STPG2: variants seen among roughly 807,000 people sequenced by gnomAD.
STPG2 encodes sperm-tail PG-rich repeat-containing protein 2.
A neutral mutation model predicts 54.2 loss-of-function variants in STPG2; 56 were observed. The ratio of observed to expected loss-of-function variants is 1.03; its 90% CI spans 0.83 to 1.29. The LOEUF is 1.29. Among genes scored for constraint, STPG2 ranks in the 50% most tolerant of loss-of-function variants. STPG2 has a pLI of 0.00. For synonymous variants in STPG2, 200 were observed against 181.8 expected, an observed-to-expected ratio of 1.10 and a Z score of -0.81; for missense variants, 596 against 544.9, an observed-to-expected ratio of 1.09 and a Z score of -0.93.
At chr4:98,065,434 C>T (rs143996164) in intron 5 of STPG2, among the ~76,000 whole-genome samples, 7 of 151,986 alleles carry the variant, frequency 4.6e-5, no homozygotes, top group African/African-American at 7.2e-5. Context: ...GAAGTTATAA[C>T]GACAATAAAA....
intron 10 of STPG2, among the ~76,000 whole-genome samples, chr4:97,711,843 T>C (rs1469377362): frequency 6.6e-6 from 1 of 151,832 alleles, no homozygotes; most frequent in East Asian, 1.9e-4. Flanking sequence ...ATTATTTTTA[T>C]ATTTTTAGTA....
intron 8 of STPG2, among the ~76,000 whole-genome samples, chr4:97,842,579 T>C (rs539827337): frequency 6.6e-6 from 1 of 152,036 alleles, no homozygotes; most frequent in South Asian, 2.1e-4. Context: ...TGTCACCATC[T>C]ATTTCTTCTT....
At chr4:97,756,124 A>T (rs1725726039) in intron 9 of STPG2, among the ~76,000 whole-genome samples, 1 of 151,360 alleles carries the variant, frequency 6.6e-6, no homozygotes, top group Admixed American at 6.6e-5. Context: ...TCCTCCCCCC[A>T]ACTAGAATTA....
chr4:98,055,736 G>T (rs1281897177), intron 5 of STPG2, among the ~76,000 whole-genome samples: 3 of 152,178 alleles, frequency 2.0e-5, no homozygotes, highest in African/African-American at 4.8e-5. Context: ...AGAGACTTTA[G>T]CCCTAGGAGA....
intron 5 of STPG2, among the ~76,000 whole-genome samples, chr4:98,032,284 A>G (rs1389359780): frequency 6.6e-6 from 1 of 152,338 alleles, no homozygotes; most frequent in East Asian, 1.9e-4. Flanking sequence ...TAGCAGTACA[A>G]TTCACAACTG....
chr4:98,021,484 G>A (rs1284533978), intron 5 of STPG2, among the ~76,000 whole-genome samples: 7 of 151,918 alleles, frequency 4.6e-5, no homozygotes, highest in Non-Finnish European at 1.0e-4. Flanking sequence ...GCTGAAAAAT[G>A]TATATTCTGT....
At chr4:97,491,471 T>C (rs1194564682) in intron 4 of STPG2, among the ~76,000 whole-genome samples, 1 of 151,448 alleles carries the variant, frequency 6.6e-6, no homozygotes, top group African/African-American at 2.4e-5. Context: ...GAAGACATAG[T>C]AGAGAGTATC....
chr4:97,937,120 G>A (rs1401637964), intron 8 of STPG2, among the ~76,000 whole-genome samples: 2 of 151,734 alleles, frequency 1.3e-5, no homozygotes, highest in African/African-American at 4.8e-5. Flanking sequence ...CCTTATTTCA[G>A]CAAGACAGTC....
chr4:97,966,728 G>A (rs1034228840), intron 7 of STPG2, among the ~76,000 whole-genome samples: 1 of 151,984 alleles, frequency 6.6e-6, no homozygotes, highest in Admixed American at 6.6e-5. Flanking sequence ...TCAATATTCT[G>A]AAAAAGGATT....
At chr4:97,626,604 G>A (rs539716029) in intron 10 of STPG2, among the ~76,000 whole-genome samples, 1 of 152,016 alleles carries the variant, frequency 6.6e-6, no homozygotes, top group South Asian at 2.1e-4. Flanking sequence ...AGTATTTATG[G>A]GGAGTCTCAA....
chr4:97,615,803 G>A (rs28403167), intron 10 of STPG2, among the ~76,000 whole-genome samples: 3,258 of 151,180 alleles, frequency 0.022, 40 homozygotes, highest in Middle Eastern at 0.051. Context: ...CTGGGAGGCC[G>A]AGACAGGTGA....
intron 6 of STPG2, among the ~76,000 whole-genome samples, chr4:97,980,461 C>G (rs184428528): frequency 2.0e-5 from 3 of 152,234 alleles, no homozygotes; most frequent in Admixed American, 6.5e-5. Context: ...CCTGGGAGTT[C>G]TGTGGCTGGG....
chr4:97,871,913 AT>A, intron 8 of STPG2, among the ~76,000 whole-genome samples: 1 of 151,134 alleles, frequency 6.6e-6, no homozygotes, highest in Non-Finnish European at 1.5e-5. Context: ...TGTGAACAGA[AT>A]TCAATACAAC....
intron 10 of STPG2, among the ~76,000 whole-genome samples, chr4:97,578,698 C>T (rs973033000): frequency 6.6e-6 from 1 of 151,770 alleles, no homozygotes; most frequent in Non-Finnish European, 1.5e-5. Flanking sequence ...CACATAATAG[C>T]CAATTTCCCT....
chr4:97,592,481 T>C (rs1733171103), intron 10 of STPG2, among the ~76,000 whole-genome samples: 1 of 152,202 alleles, frequency 6.6e-6, no homozygotes, highest in Non-Finnish European at 1.5e-5. Context: ...AAATCTCTTT[T>C]TTATATTAAA....
chr4:97,693,136 TA>T (rs35469387), intron 10 of STPG2, among the ~76,000 whole-genome samples: 19,281 of 132,932 alleles, frequency 0.15, 2,475 homozygotes, highest in African/African-American at 0.36. Context: ...ATAACAATGA[TA>T]AAAAAAAAAA....
At chr4:97,460,604 A>G (rs1262135663) in intron 4 of STPG2, among the ~76,000 whole-genome samples, 1 of 152,172 alleles carries the variant, frequency 6.6e-6, no homozygotes, top group Non-Finnish European at 1.5e-5. Flanking sequence ...TCTCCAAGGA[A>G]ACATTTATTA....
chr4:97,856,410 C>A (rs1729339348), intron 8 of STPG2, among the ~76,000 whole-genome samples: 1 of 152,024 alleles, frequency 6.6e-6, no homozygotes, highest in African/African-American at 2.4e-5. Flanking sequence ...GTATTTTATT[C>A]CCTTTGTAAC....
intron 10 of STPG2, among the ~76,000 whole-genome samples, chr4:97,588,282 C>A (rs1257217441): frequency 2.6e-5 from 4 of 151,632 alleles, no homozygotes; most frequent in African/African-American, 9.7e-5. Flanking sequence ...CTACTCTGTA[C>A]AGGAAAAAAA....
Sources: gnomAD v4.1 joint callset for allele counts (sites outside exome capture counted in the v4.1 genomes callset) on GRCh38, gnomAD v4.1.1 for gene constraint, MANE v1.5 for transcripts, NCBI Gene and HGNC (gene_info 2026-07-23, HGNC 2026-07-21) for gene names.